Variants in MIPEP observed in about 807,000 individuals in gnomAD.
MIPEP encodes the protein mitochondrial intermediate peptidase.
Under a neutral mutation model 90.3 loss-of-function variants are expected in MIPEP, and 79 were observed. That is an observed-to-expected ratio of 0.87 (90% confidence interval 0.73 to 1.05). The LOEUF is 1.05. MIPEP is among the 50% of genes least tolerant of loss of function. The pLI is 0.00. For synonymous variants in MIPEP, 334 were observed against 315.8 expected, an observed-to-expected ratio of 1.06 and a Z score of -0.61; for missense variants, 940 against 905.6, an observed-to-expected ratio of 1.04 and a Z score of -0.49.
At chr13:23,856,575 G>A (rs73442182) in intron 10 of MIPEP, among the ~76,000 whole-genome samples, 2,973 of 152,190 alleles carry the variant, frequency 0.02, 56 homozygotes, top group African/African-American at 0.056. Flanking sequence ...CTAACTTCCC[G>A]GTCATTGGCC....
intron 2 of MIPEP, among the ~76,000 whole-genome samples, chr13:23,884,869 G>C (rs1871409383): frequency 6.6e-6 from 1 of 152,174 alleles, no homozygotes; most frequent in African/African-American, 2.4e-5. Context: ...CATGTAGACA[G>C]GATCATAAAT....
At chr13:23,789,744 G>A (rs893265058) in intron 16 of MIPEP, among the ~76,000 whole-genome samples, 7 of 152,116 alleles carry the variant, frequency 4.6e-5, no homozygotes, top group African/African-American at 7.2e-5. Context: ...CCCACCTGCC[G>A]GGTTTGGGGC....
intron 16 of MIPEP, among the ~76,000 whole-genome samples, chr13:23,790,386 A>G (rs767379): frequency 0.21 from 32,697 of 152,200 alleles, 3,967 homozygotes; most frequent in Middle Eastern, 0.28. Flanking sequence ...TCTGTGTGGC[A>G]GAAAGAATAA....
intron 16 of MIPEP, among the ~76,000 whole-genome samples, chr13:23,787,489 C>T (rs1952858792): frequency 6.6e-6 from 1 of 152,102 alleles, no homozygotes; most frequent in Admixed American, 6.5e-5. Flanking sequence ...TCTTCTAAGG[C>T]ACTAATCCCT....
At chr13:23,864,075 CAAG>C in intron 8 of MIPEP, 63 bp downstream of exon 8, 1 of 920,292 alleles carries the variant, frequency 1.1e-6, no homozygotes, top group Non-Finnish European at 1.6e-6. Context: ...TTTTATAAAT[CAAG>C]TCTTCTTTAA....
At chr13:23,791,046 C>T (rs1952893496) in intron 16 of MIPEP, among the ~76,000 whole-genome samples, 1 of 152,256 alleles carries the variant, frequency 6.6e-6, no homozygotes, top group South Asian at 2.1e-4. Context: ...TACCCTATCT[C>T]CAATCCCACT....
chr13:23,776,093 C>G lies in MIPEP; in HGVS notation c.1849-15876G>C, dbSNP rs1052449250. 3.3e-5 allele frequency among the ~76,000 whole-genome samples: 5 copies of G among 152,082 alleles called. No homozygotes were observed. The South Asian group carries it at 1.0e-3, about 32-fold the overall frequency. ...TCCCTGCCTTCAATCTCTGTACCCC[C>G]CATCTATCACCCATACTGAAACCTT... is the stretch of plus-strand genomic sequence containing the variant. On this transcript the variant is annotated intron_variant, in intron 16 of 18. Transcript: ENST00000382172.
At chr13:23,879,726 G>A (rs1210089281) in intron 3 of MIPEP, among the ~76,000 whole-genome samples, 1 of 152,080 alleles carries the variant, frequency 6.6e-6, no homozygotes, top group African/African-American at 2.4e-5. Context: ...CACTGTAAGG[G>A]AGAGCTCAGG....
At chr13:23,781,922 G>T (rs1381477131) in intron 16 of MIPEP, among the ~76,000 whole-genome samples, 1 of 152,132 alleles carries the variant, frequency 6.6e-6, no homozygotes, top group Non-Finnish European at 1.5e-5. Context: ...AAATATATAT[G>T]CACCCAATAC....
At chr13:23,841,816 CA>C (rs1051472002) in intron 10 of MIPEP, among the ~76,000 whole-genome samples, 1 of 152,110 alleles carries the variant, frequency 6.6e-6, no homozygotes, top group Non-Finnish European at 1.5e-5. Flanking sequence ...TACTTACATG[CA>C]AAATATGATC....
chr13:23,773,120 G>T (rs1417222167), intron 16 of MIPEP, among the ~76,000 whole-genome samples: 1 of 152,030 alleles, frequency 6.6e-6, no homozygotes, highest in African/African-American at 2.4e-5. Flanking sequence ...GGGCCCATTC[G>T]CTGTCCCTCT....
chr13:23,756,318 C>G, intron 18 of MIPEP: 1 of 447,968 alleles, frequency 2.2e-6, no homozygotes, highest in East Asian at 4.7e-5. Flanking sequence ...CCACGCCCAG[C>G]TATTTTTTGT....
At chr13:23,772,850 C>G (rs1389421159) in intron 16 of MIPEP, among the ~76,000 whole-genome samples, 2 of 152,098 alleles carry the variant, frequency 1.3e-5, no homozygotes, top group Non-Finnish European at 2.9e-5. Context: ...CAGCCCTTCC[C>G]TGCTCTAAGA....
At chr13:23,804,353 C>T (rs1213783014) in intron 16 of MIPEP, among the ~76,000 whole-genome samples, 1 of 152,060 alleles carries the variant, frequency 6.6e-6, no homozygotes, top group East Asian at 1.9e-4. Context: ...AACTCATATT[C>T]ACAAAGAAGA....
At chr13:23,859,456 A>G (rs1403894969) in intron 9 of MIPEP, among the ~76,000 whole-genome samples, 1 of 152,236 alleles carries the variant, frequency 6.6e-6, no homozygotes, top group Non-Finnish European at 1.5e-5. Flanking sequence ...TGATTGGCAC[A>G]TAATACTGAA....
intron 14 of MIPEP, among the ~76,000 whole-genome samples, chr13:23,810,687 A>C (rs903546154): frequency 6.6e-6 from 1 of 152,238 alleles, no homozygotes; most frequent in Non-Finnish European, 1.5e-5. Context: ...TATAAAGACC[A>C]ATGGCAAGTT....
chr13:23,850,833 A>T (rs955972432), intron 10 of MIPEP, among the ~76,000 whole-genome samples: 3 of 152,254 alleles, frequency 2.0e-5, no homozygotes, highest in African/African-American at 7.2e-5. Flanking sequence ...AATAACCAAA[A>T]ATAACACCTA....
chr13:23,781,009 A>G (rs1952776885), intron 16 of MIPEP, among the ~76,000 whole-genome samples: 1 of 152,244 alleles, frequency 6.6e-6, no homozygotes, highest in South Asian at 2.1e-4. Context: ...GGGAGAATGG[A>G]ACCAAGTTGG....
chr13:23,848,266 C>A (rs191933808), intron 10 of MIPEP, among the ~76,000 whole-genome samples: 1 of 152,176 alleles, frequency 6.6e-6, no homozygotes, highest in South Asian at 2.1e-4. Context: ...GACAGAGACA[C>A]GGACAGGGAC....
Sources: gnomAD v4.1 joint callset for allele counts (sites outside exome capture counted in the v4.1 genomes callset) on GRCh38, gnomAD v4.1.1 for gene constraint, MANE v1.5 for transcripts, NCBI Gene and HGNC (gene_info 2026-07-23, HGNC 2026-07-21) for gene names.